PDE7B: variants seen among roughly 807,000 people sequenced by gnomAD.
The protein encoded by PDE7B is phosphodiesterase 7B, also known as 3',5'-cyclic-AMP phosphodiesterase 7B.
Under a neutral mutation model 56.2 loss-of-function variants are expected in PDE7B, and 29 were observed. That is an observed-to-expected ratio of 0.52 (90% confidence interval 0.38 to 0.70). The LOEUF is 0.70. PDE7B is among the 30% of genes least tolerant of loss of function. PDE7B has a pLI of 0.00. For synonymous variants in PDE7B, 197 were observed against 196.9 expected, an observed-to-expected ratio of 1.00 and a Z score of 0.00; for missense variants, 490 against 565.0, an observed-to-expected ratio of 0.87 and a Z score of 1.35.
intron 2 of PDE7B, among the ~76,000 whole-genome samples, chr6:135,975,137 G>T (rs981855238): frequency 6.8e-6 from 1 of 148,030 alleles, no homozygotes; most frequent in Admixed American, 6.8e-5. Context: ...AACTCCAGTC[G>T]TTTTTTTTTT....
intron 1 of PDE7B, among the ~76,000 whole-genome samples, chr6:135,872,540 G>A (rs951904483): frequency 3.3e-5 from 5 of 152,142 alleles, no homozygotes; most frequent in African/African-American, 1.2e-4. Flanking sequence ...ATTAAAAATT[G>A]GTTAGGAATC....
Position 136,147,415 on chromosome 6 carries a change from A to G in PDE7B, c.231A>G (p.Arg77=). The G allele has an allele frequency of 1.2e-6, 2 of 1,613,088 alleles. No individual in the cohort carries two copies. The highest frequency in any genetic ancestry group is 1.7e-6 in the Non-Finnish European group (2 of 1,179,066). The part of the protein sequence containing the change: ...KKVKRLLSFQ[R]YFHASRLLRG... ...TGAAAAGACTATTAAGCTTTCAAAG[A>G]TACTTCCATGCATCAAGGCTGCTTC... The change falls in exon 4 of 13, where the codon AGA becomes AGG. Residue 77 remains arginine (R), a synonymous_variant. Coordinates refer to ENST00000308191, the MANE Select transcript of PDE7B (RefSeq NM_018945.4).
At chr6:135,983,450 A>G (rs1775328501) in intron 2 of PDE7B, among the ~76,000 whole-genome samples, 1 of 152,242 alleles carries the variant, frequency 6.6e-6, no homozygotes. Flanking sequence ...CCTACATTAG[A>G]TAAACACTCA....
At chr6:135,879,366 A>G (rs1775562551) in intron 1 of PDE7B, among the ~76,000 whole-genome samples, 1 of 152,156 alleles carries the variant, frequency 6.6e-6, no homozygotes, top group South Asian at 2.1e-4. Context: ...AAAAACTCCA[A>G]CCAGTCAAAA....
intron 1 of PDE7B, among the ~76,000 whole-genome samples, chr6:135,858,755 CAAT>C (rs1251780579): frequency 6.6e-6 from 1 of 152,092 alleles, no homozygotes; most frequent in Non-Finnish European, 1.5e-5. Flanking sequence ...TCTCCATAAA[CAAT>C]AAACATATTT....
intron 2 of PDE7B, among the ~76,000 whole-genome samples, chr6:135,967,426 G>A (rs986553095): frequency 4.6e-5 from 7 of 152,200 alleles, no homozygotes; most frequent in African/African-American, 1.7e-4. Flanking sequence ...CTTGGTAGTT[G>A]AGTGAACCAC....
chr6:136,013,952 T>C (rs1775933731), intron 2 of PDE7B, among the ~76,000 whole-genome samples: 1 of 152,184 alleles, frequency 6.6e-6, no homozygotes, highest in African/African-American at 2.4e-5. Flanking sequence ...AAATGATAGG[T>C]TTTCTCTGAG....
chr6:135,918,442 A>G (rs1774000181), intron 1 of PDE7B, among the ~76,000 whole-genome samples: 1 of 152,188 alleles, frequency 6.6e-6, no homozygotes, highest in Non-Finnish European at 1.5e-5. Flanking sequence ...TCTAAAAAAA[A>G]TAAGTATACT....
intron 2 of PDE7B, among the ~76,000 whole-genome samples, chr6:135,948,504 A>G (rs1451351794): frequency 6.6e-6 from 1 of 151,992 alleles, no homozygotes; most frequent in Non-Finnish European, 1.5e-5. Flanking sequence ...GCAGGCAAAG[A>G]TCTTGGTAAT....
intron 9 of PDE7B, among the ~76,000 whole-genome samples, 181 bp downstream of exon 9, chr6:136,174,069 ATC>A (rs374145658): frequency 6.6e-5 from 10 of 152,236 alleles, no homozygotes; most frequent in South Asian, 2.1e-4. Flanking sequence ...AGAAACCAAA[ATC>A]TCTCTGTGTG....
At chr6:136,122,321 T>C (rs781763578) in intron 3 of PDE7B, among the ~76,000 whole-genome samples, 2 of 152,162 alleles carry the variant, frequency 1.3e-5, no homozygotes, top group Non-Finnish European at 2.9e-5. Flanking sequence ...TAAATGGAGA[T>C]TTCACTTAGG....
At chr6:136,123,232 G>A (rs1777968174) in intron 3 of PDE7B, among the ~76,000 whole-genome samples, 1 of 152,214 alleles carries the variant, frequency 6.6e-6, no homozygotes, top group Non-Finnish European at 1.5e-5. Context: ...GATGACGCGT[G>A]CCTGTAGTCC....
chr6:136,140,379 C>T (rs1406456944), intron 3 of PDE7B, among the ~76,000 whole-genome samples: 5 of 151,978 alleles, frequency 3.3e-5, no homozygotes, highest in South Asian at 2.1e-4. Context: ...TGTAGCCTTG[C>T]AGTATAGTTT....
In PDE7B at chr6:135,936,306, T is replaced by G. The variant is rs181161379; in HGVS notation, c.22-11158T>G. ...GATGTCTGGAGATCTGGACATCAGA[T>G]AGGCAAATATCTGGAGATATTGCTG... On this transcript the variant is annotated intron_variant, in intron 1 of 12. Coordinates refer to ENST00000308191, the MANE Select transcript of PDE7B (RefSeq NM_018945.4). 4.9e-3 allele frequency among the ~76,000 whole-genome samples: 753 copies of G among 152,348 alleles called. 3 individuals carry two copies. The highest frequency in any genetic ancestry group is 0.017 in the African/African-American group (718 of 41,582).
Position 135,868,975 on chromosome 6 carries a change from A to G in PDE7B, c.21+16956A>G, listed in dbSNP as rs576467557. On this transcript the variant is annotated intron_variant, in intron 1 of 12. Transcript: ENST00000308191. Reference sequence around the variant, plus strand: ...GAAGGCTGTGTACATATGTGTGTGTATAAATATACATATATTATATCAAGC... The same window carrying G: ...GAAGGCTGTGTACATATGTGTGTGTGTAAATATACATATATTATATCAAGC... Among the ~76,000 whole-genome samples the G allele has an allele frequency of 3.3e-5, 5 of 152,280 alleles. 1 individual carries two copies. In the South Asian group the frequency reaches 1.0e-3, roughly 32 times the overall value.
intron 2 of PDE7B, among the ~76,000 whole-genome samples, chr6:136,060,186 G>A (rs1583857639): frequency 6.6e-6 from 1 of 152,254 alleles, no homozygotes; most frequent in South Asian, 2.1e-4. Context: ...ATTTTGCAGA[G>A]CATTTTTCCT....
intron 8 of PDE7B, among the ~76,000 whole-genome samples, chr6:136,172,833 A>C (rs1778913468): frequency 6.6e-6 from 1 of 152,146 alleles, no homozygotes; most frequent in Admixed American, 6.5e-5. Context: ...GAAGGGAAAA[A>C]TCACAAGCAT....
At position 135,851,815 on chromosome 6, in the gene PDE7B, C is replaced by T; in HGVS notation, c.-184C>T. Reference sequence around the variant, plus strand: ...TTCTACCTTCCTTCTTTCTCGATCTCCTTGTGTGCTTTTGTGTTTCTTTAT... The same window carrying T: ...TTCTACCTTCCTTCTTTCTCGATCTTCTTGTGTGCTTTTGTGTTTCTTTAT... On this transcript the variant is annotated 5_prime_UTR_variant, in exon 1 of 13. Transcript: ENST00000308191. The T allele has an allele frequency of 1.7e-6, 1 of 587,498 alleles. No homozygotes were observed. Among genetic ancestry groups the T allele is most frequent in the East Asian group, 2.8e-5 (1 of 35,686 alleles). The allele number at this position is 587,498 out of a possible 1,614,324, so 36.4% of individuals were successfully genotyped here. A position where few individuals can be genotyped will look rare whatever the true frequency, so the allele number is the denominator to read the frequency against.
intron 1 of PDE7B, among the ~76,000 whole-genome samples, chr6:135,866,385 A>G (rs1272220705): frequency 6.6e-6 from 1 of 152,214 alleles, no homozygotes; most frequent in Non-Finnish European, 1.5e-5. Context: ...CATTGTGGCC[A>G]TTATAATATT....
Sources: gnomAD v4.1 joint callset for allele counts (sites outside exome capture counted in the v4.1 genomes callset) on GRCh38, gnomAD v4.1.1 for gene constraint, MANE v1.5 for transcripts, NCBI Gene and HGNC (gene_info 2026-07-23, HGNC 2026-07-21) for gene names.